The following ALOXE3 variants were observed in gnomAD, a reference collection of about 807,000 sequenced individuals.
The protein encoded by ALOXE3 is arachidonate epidermal lipoxygenase 3.
A neutral mutation model predicts 87.5 loss-of-function variants in ALOXE3; 78 were observed. The observed-to-expected ratio is 0.89, with a 90% CI of 0.74 to 1.08. The LOEUF (loss-of-function observed/expected upper bound fraction) is 1.08. Among genes scored for constraint, ALOXE3 ranks in the 50% least tolerant of loss-of-function variants. ALOXE3 has a pLI of 0.00. For missense variants in ALOXE3, 946 were observed against 912.4 expected (o/e 1.04, Z -0.47); for synonymous variants, 363 against 370.8 (o/e 0.98, Z 0.24).
chr17:8,114,838 A>G (rs1980441578), intron 5 of ALOXE3, 100 bp downstream of exon 5: 1 of 1,561,934 alleles, frequency 6.4e-7, no homozygotes, highest in African/African-American at 1.4e-5. Flanking sequence ...CTGCATTGTC[A>G]TAGACCCCTA....
At position 8,110,018 on chromosome 17, in the gene ALOXE3, A is replaced by G. The variant is rs1438905558; in HGVS notation, c.1306-16T>C. ...GGAGTAGGAGCTGCGAGCGGAGCGG[A>G]TCACGTGAGCTGAAGGCCGGGGACA... On this transcript the variant is annotated splice_polypyrimidine_tract_variant and intron_variant, in intron 10 of 15. Coordinates refer to ENST00000448843, the MANE Select transcript of ALOXE3 (RefSeq NM_021628.3). 1 of 1,563,410 alleles carries G rather than the reference A, an allele frequency of 6.4e-7. No homozygotes were observed. The highest frequency in any genetic ancestry group is 1.4e-5 in the African/African-American group (1 of 73,570).
chr17:8,118,912 G>T (rs1183039258), upstream of ALOXE3: 1 of 1,465,478 alleles, frequency 6.8e-7, no homozygotes, highest in Admixed American at 2.5e-5. Flanking sequence ...CGCGCGGCCG[G>T]TTCCGGCGCC....
chr17:8,118,482 G>T lies in ALOXE3; in HGVS notation c.-314+4C>A. On this transcript the variant is annotated splice_donor_region_variant and intron_variant, in intron 1 of 15. Transcript: ENST00000448843. ...ATTCCCAGGCAGAGATGAGCACAGG[G>T]CACCTGCATTCCTACGTGTGAATCA... 6.5e-7 allele frequency: 1 copy of T among 1,546,354 alleles called. No homozygotes were observed.
intron 15 of ALOXE3, among the ~76,000 whole-genome samples, chr17:8,099,559 G>A (rs1978791103): frequency 6.6e-6 from 1 of 151,898 alleles, no homozygotes. Context: ...TACTCAGGAG[G>A]CTGAGGCAGG....
At chr17:8,103,190 T>C (rs1979030268) in intron 15 of ALOXE3, 133 bp downstream of exon 15, 1 of 1,030,142 alleles carries the variant, frequency 9.7e-7, no homozygotes, top group South Asian at 1.4e-5. Context: ...TCTGAAGAAA[T>C]TGAAGAACCC....
At chr17:8,102,098 C>T (rs895500771) in intron 15 of ALOXE3, among the ~76,000 whole-genome samples, 6 of 152,332 alleles carry the variant, frequency 3.9e-5, no homozygotes, top group South Asian at 2.1e-4. Context: ...ATATTGGCCC[C>T]TCTCTAGCCT....
chr17:8,117,880 C>T lies in ALOXE3; in HGVS notation c.111G>A (p.Arg37=). 6.2e-7 allele frequency: 1 copy of T among 1,611,764 alleles called. No individual in the cohort carries two copies. Among genetic ancestry groups the T allele is most frequent in the Non-Finnish European group, 8.5e-7 (1 of 1,179,628 alleles). ...VGTCGESPKQ[R]LDRMGRDFAP... is the part of the protein sequence containing the mutation. ...CGAAGTCCCTGCCCATTCGATCTAG[C>T]CGCTGCTTGGGGCTTTCACCACACG... is the stretch of plus-strand genomic sequence containing the variant. Residue 37 remains arginine (R), a synonymous_variant, in exon 2 of 16, where the codon CGG becomes CGA. Coordinates refer to ENST00000448843, the MANE Select transcript of ALOXE3 (RefSeq NM_021628.3).
intron 12 of ALOXE3, 85 bp from the exon 13 acceptor site, chr17:8,108,674 G>T: frequency 1.3e-6 from 2 of 1,568,580 alleles, no homozygotes; most frequent in Non-Finnish European, 1.7e-6. Flanking sequence ...TGCTCAGGCG[G>T]CAGAGAGACA....
intron 13 of ALOXE3, 141 bp downstream of exon 13, chr17:8,108,327 C>T (rs1979686376): frequency 5.2e-6 from 7 of 1,350,416 alleles, no homozygotes; most frequent in Non-Finnish European, 6.0e-6. Context: ...TTCTTTGTGC[C>T]TCTTTCCATA....
chr17:8,104,096 C>T lies in ALOXE3; in HGVS notation c.1785+19G>A. The T allele has an allele frequency of 1.2e-6, 2 of 1,609,680 alleles. No individual in the cohort carries two copies. The highest frequency in any genetic ancestry group is 1.7e-6 in the Non-Finnish European group (2 of 1,177,100). On this transcript the variant is annotated intron_variant, in intron 14 of 15. Coordinates refer to ENST00000448843, the MANE Select transcript of ALOXE3 (RefSeq NM_021628.3). ...TTGCTGAGACCTGATGTCCCCAGGC[C>T]TGCCCTTTGTAGCCTCACCTGCCCA...
intron 15 of ALOXE3, among the ~76,000 whole-genome samples, chr17:8,098,243 T>G (rs1263061286): frequency 7.2e-6 from 1 of 139,224 alleles, no homozygotes; most frequent in Non-Finnish European, 1.6e-5. Context: ...TGTTTTTTTT[T>G]TTTTTTTTTT....
At chr17:8,103,691 A>G (rs906789602) in intron 14 of ALOXE3, among the ~76,000 whole-genome samples, 198 bp from the exon 15 acceptor site, 2 of 152,130 alleles carry the variant, frequency 1.3e-5, no homozygotes, top group Admixed American at 1.3e-4. Flanking sequence ...GGAAAGTCCC[A>G]GAAGTGGGGC....
Position 8,116,965 on chromosome 17 carries a change from C to A in ALOXE3, c.163G>T (p.Val55Leu). ...TCACCCAGCTCCGCTGTGCAACGCACCTTGTACTTCTGTACCTGAGGGGAC... is the reference window on the plus strand; with the variant it reads ...TCACCCAGCTCCGCTGTGCAACGCAACTTGTACTTCTGTACCTGAGGGGAC... ...FAPGSVQKYKVRCTAELGELL... is the reference protein window; with the variant it reads ...FAPGSVQKYKLRCTAELGELL... The change falls in exon 3 of 16, where the codon GTG becomes TTG. Residue 55 changes from valine to leucine, a missense_variant. By Grantham distance (32) the Val-to-Leu change is conservative. Coordinates refer to ENST00000448843, the MANE Select transcript of ALOXE3 (RefSeq NM_021628.3). The A allele has an allele frequency of 6.2e-7, 1 of 1,613,978 alleles. No homozygotes were observed. The highest frequency in any genetic ancestry group is 8.5e-7 in the Non-Finnish European group (1 of 1,179,942).
rs768867889 is a variant in ALOXE3 at position 8,118,067 on chromosome 17, G to A, written c.-77C>T. 1.3e-6 allele frequency: 2 copies of A among 1,574,602 alleles called. No homozygotes were observed. Among genetic ancestry groups the A allele is most frequent in the South Asian group, 1.2e-5 (1 of 86,540 alleles). On this transcript the variant is annotated 5_prime_UTR_variant, in exon 2 of 16. Coordinates refer to ENST00000448843, the MANE Select transcript of ALOXE3 (RefSeq NM_021628.3). ...GCCTGGAGGAGAAGAGCGGCACGCC[G>A]GACAGGGCTGGGTTTCTGGGCGGAG...
In ALOXE3 at chr17:8,104,200, A is replaced by T; in HGVS notation, c.1700T>A (p.Leu567Gln). The T allele has an allele frequency of 6.2e-7, 1 of 1,613,914 alleles. No homozygotes were observed. The highest frequency in any genetic ancestry group is 1.1e-5 in the South Asian group (1 of 91,070). Residue 567 changes from leucine to glutamine, a missense_variant, in exon 14 of 16, where the codon CTG becomes CAG. Leu to Gln is a moderately radical substitution (Grantham distance 113). Transcript: ENST00000448843. ...CTTCACCATCTCTCCTGGGGTGCAC[A>T]GCCGGCTTGGGAAACCTGGGTGTGG... is the stretch of plus-strand genomic sequence containing the variant. ...GRESSGFPSR[L>Q]CTPGEMVKFL...
Position 8,114,610 on chromosome 17 carries a change from C to G in ALOXE3, c.555-1G>C. The G allele has an allele frequency of 6.2e-7, 1 of 1,613,910 alleles. No homozygotes were observed. The highest frequency in any genetic ancestry group is 1.1e-5 in the South Asian group (1 of 91,056). Reference sequence around the variant, plus strand: ...GCCGGGCAGGTACCGATTCCCACTGCTGGGGGTCGGGGGAGTAGAAAGACA... The same window carrying G: ...GCCGGGCAGGTACCGATTCCCACTGGTGGGGGTCGGGGGAGTAGAAAGACA... On this transcript the variant is annotated splice_acceptor_variant, in intron 5 of 15. Coordinates refer to ENST00000448843, the MANE Select transcript of ALOXE3 (RefSeq NM_021628.3). LOFTEE classifies it high-confidence loss of function.
rs1980055086 is a variant in ALOXE3 at position 8,111,264 on chromosome 17, A to G, written c.957+95T>C. 2.0e-6 allele frequency: 3 copies of G among 1,490,428 alleles called. No homozygotes were observed. In the African/African-American group the frequency reaches 4.1e-5, roughly 21 times the overall value. The allele number at this position is 1,490,428 out of a possible 1,614,324, so 92.3% of individuals were successfully genotyped here. A position where few individuals can be genotyped will look rare whatever the true frequency, so the allele number is the denominator to read the frequency against. ...GAGGCCCACAGGTGAAATGCAGCCC[A>G]GGCCATTTCCATACCCTCCACACAC... is the stretch of plus-strand genomic sequence containing the variant. On this transcript the variant is annotated intron_variant, in intron 8 of 15. Transcript: ENST00000448843.
chr17:8,103,938 A>G (rs1979093142), intron 14 of ALOXE3, among the ~76,000 whole-genome samples, 177 bp downstream of exon 14: 1 of 152,084 alleles, frequency 6.6e-6, no homozygotes, highest in South Asian at 2.1e-4. Flanking sequence ...CCTTGGACCC[A>G]GCTCCACCCA....
chr17:8,109,206 G>C lies in ALOXE3; in HGVS notation c.1530C>G (p.Asp510Glu). The change falls in exon 12 of 16, where the codon GAC becomes GAG. Residue 510 changes from aspartate to glutamate, a missense_variant. By Grantham distance (45) the Asp-to-Glu change is conservative. Coordinates refer to ENST00000448843, the MANE Select transcript of ALOXE3 (RefSeq NM_021628.3). ...VLAIPNYHYR[D>E]DGLKIWAAIE... ...TGGCCGCCCAGATCTTCAGGCCGTC[G>C]TCTCGGTAGTGGTAGTTGGGGATAG... 1 of 1,613,864 alleles carries C rather than the reference G, an allele frequency of 6.2e-7. No homozygotes were observed. The highest frequency in any genetic ancestry group is 1.1e-5 in the South Asian group (1 of 91,084).
Sources: allele counts gnomAD v4.1 joint callset (sites outside exome capture counted in the v4.1 genomes callset), GRCh38; gene constraint gnomAD v4.1.1; transcripts MANE v1.5; gene names NCBI Gene and HGNC (gene_info 2026-07-23, HGNC 2026-07-21).